Variants in TMEM14A observed in about 807,000 individuals in gnomAD.
The protein encoded by TMEM14A is transmembrane protein 14A.
TMEM14A carries 8 observed loss-of-function variants against 11.6 expected under a neutral mutation model. The observed-to-expected ratio is 0.69, with a 90% CI of 0.40 to 1.24. TMEM14A has a LOEUF of 1.24. TMEM14A is among the 50% of genes most tolerant of loss of function. The pLI is 0.01. For missense variants in TMEM14A, 108 were observed against 121.9 expected (o/e 0.89, Z 0.54); for synonymous variants, 34 against 45.5 (o/e 0.75, Z 1.02).
At chr6:52,678,310 AGTGTGTGTATGTGTGTGTTTGT>A (rs754099127) in intron 2 of TMEM14A, among the ~76,000 whole-genome samples, 12,286 of 140,580 alleles carry the variant, frequency 0.087, 549 homozygotes, top group South Asian at 0.2. Context: ...AGATATAGAG[AGTGTGTGTATGTGTGTGTTTGT>A]GTGTGTGTGT....
chr6:52,679,725 A>G (rs566236009), intron 2 of TMEM14A, among the ~76,000 whole-genome samples: 1 of 152,196 alleles, frequency 6.6e-6, no homozygotes, highest in East Asian at 1.9e-4. Flanking sequence ...CACCTTCCTC[A>G]GGCAAGATGA....
At chr6:52,680,697 A>ATATATATGTGTG (rs1554137479) in intron 2 of TMEM14A, among the ~76,000 whole-genome samples, 1 of 92,238 alleles carries the variant, frequency 1.1e-5, no homozygotes, top group African/African-American at 3.7e-5. Context: ...ATATGTATAT[A>ATATATATGTGTG]TATATATACA....
chr6:52,684,344 C>T (rs952502861), intron 4 of TMEM14A, among the ~76,000 whole-genome samples, 179 bp downstream of exon 4: 1 of 152,178 alleles, frequency 6.6e-6, no homozygotes, highest in African/African-American at 2.4e-5. Context: ...TACCCATGAA[C>T]ATTCTTATTG....
At chr6:52,684,920 T>C (rs1769464953) in intron 4 of TMEM14A, among the ~76,000 whole-genome samples, 1 of 152,198 alleles carries the variant, frequency 6.6e-6, no homozygotes, top group African/African-American at 2.4e-5. Flanking sequence ...AGGAGATGTT[T>C]GAAAAAATGT....
At chr6:52,678,931 G>A (rs1422444201) in intron 2 of TMEM14A, among the ~76,000 whole-genome samples, 2 of 152,164 alleles carry the variant, frequency 1.3e-5, no homozygotes, top group Non-Finnish European at 2.9e-5. Context: ...GAATGTGTGT[G>A]TAAAGTGAGT....
In TMEM14A at chr6:52,680,583, ATTTATATATT is replaced by A. The variant is rs1301229219; in HGVS notation, c.71-1228_71-1219del. ...ACTGTAACATTCTAAGCCACTATATATTTATATATTTATATATATATATATATATGTATAT... is the reference window on the plus strand; with the variant it reads ...ACTGTAACATTCTAAGCCACTATATATATATATATATATATATATGTATAT... On this transcript the variant is annotated intron_variant, in intron 2 of 4. Transcript: ENST00000211314. Among the ~76,000 whole-genome samples the A allele has an allele frequency of 7.0e-4, 43 of 61,390 alleles. 1 individual carries two copies. Among genetic ancestry groups the A allele is most frequent in the Non-Finnish European group, 1.5e-3 (35 of 24,000 alleles). The allele number at this position is 61,390 out of a possible 152,430, so 40.3% of individuals were successfully genotyped here.
intron 2 of TMEM14A, among the ~76,000 whole-genome samples, chr6:52,680,609 A>G (rs866759366): frequency 1.9e-5 from 2 of 103,854 alleles, no homozygotes; most frequent in East Asian, 2.9e-4. Context: ...ATATATATAT[A>G]TATGTATATA....
chr6:52,671,123 G>T lies in TMEM14A; in HGVS notation c.-139G>T, dbSNP rs368485299. On this transcript the variant is annotated 5_prime_UTR_variant, in exon 1 of 5. Transcript: ENST00000211314. ...GAGCGGCCTTTGCTCAGCGCGAGACGGCTGGGCGCCGAGTGGGACAGCGCT... is the reference window on the plus strand; with the variant it reads ...GAGCGGCCTTTGCTCAGCGCGAGACTGCTGGGCGCCGAGTGGGACAGCGCT... 6.6e-6 allele frequency: 1 copy of T among 152,358 alleles called. No individual in the cohort carries two copies. Among genetic ancestry groups the T allele is most frequent in the Non-Finnish European group, 1.5e-5 (1 of 68,130 alleles). The allele number at this position is 152,358 out of a possible 1,614,324, so 9.4% of individuals were successfully genotyped here. A position where few individuals can be genotyped will look rare whatever the true frequency, so the allele number is the denominator to read the frequency against.
At position 52,680,583 on chromosome 6, in the gene TMEM14A, ATT is replaced by A. The variant is rs780657724; in HGVS notation, c.71-1228_71-1227del. On this transcript the variant is annotated intron_variant, in intron 2 of 4. Transcript: ENST00000211314. ...ACTGTAACATTCTAAGCCACTATAT[ATT>A]TATATATTTATATATATATATATAT... is the stretch of plus-strand genomic sequence containing the variant. 5.7e-3 allele frequency among the ~76,000 whole-genome samples: 348 copies of A among 61,272 alleles called. 1 individual carries two copies. Among genetic ancestry groups the A allele is most frequent in the South Asian group, 0.015 (14 of 912 alleles). 40.2% of individuals were successfully genotyped at this position (61,272 alleles called of 152,430 possible). A position where few individuals can be genotyped will look rare whatever the true frequency, so the allele number is the denominator to read the frequency against.
At chr6:52,680,679 A>ATACATATATG (rs1561875089) in intron 2 of TMEM14A, among the ~76,000 whole-genome samples, 1 of 80,250 alleles carries the variant, frequency 1.2e-5, no homozygotes, top group African/African-American at 4.3e-5. Context: ...GTATATATAT[A>ATACATATATG]TATACATATA....
At chr6:52,676,898 C>A (rs1769266630) in intron 1 of TMEM14A, among the ~76,000 whole-genome samples, 189 bp from the exon 2 acceptor site, 1 of 152,168 alleles carries the variant, frequency 6.6e-6, no homozygotes, top group African/African-American at 2.4e-5. Flanking sequence ...TGTTGCTAAA[C>A]CATTAGCAGC....
rs1277430742 is a variant in TMEM14A, at chr6:52,686,274, CA to C, written c.*226del. The stretch of plus-strand genomic sequence containing the variant: ...TTTTCATTAAAAGTGTCTAATGAAT[CA>C]TGATATACTCTTCCATTTGTTGTGT... On this transcript the variant is annotated 3_prime_UTR_variant, in exon 5 of 5. Coordinates refer to ENST00000211314, the MANE Select transcript of TMEM14A (RefSeq NM_014051.4). 2 of 433,428 alleles carry C rather than the reference CA, an allele frequency of 4.6e-6. No homozygotes were observed. The highest frequency in any genetic ancestry group is 8.1e-6 in the Non-Finnish European group (2 of 246,118). 26.8% of individuals were successfully genotyped at this position (433,428 alleles called of 1,614,324 possible).
rs1447938222 is a variant in TMEM14A, at chr6:52,677,171, A to C, written c.69A>C (p.Arg23Ser). The C allele has an allele frequency of 3.7e-6, 6 of 1,614,026 alleles. No homozygotes were observed. The highest frequency in any genetic ancestry group is 5.1e-6 in the Non-Finnish European group (6 of 1,180,010). ...GAAGCATTTTTGGATATAAGCGGAG[A>C]GGTAAGCCTAACCCAAATTTTCATG... ...TFGSIFGYKRRGGVPSLIAGL... is the reference protein window; with the variant it reads ...TFGSIFGYKRSGGVPSLIAGL... Residue 23 changes from arginine (R) to serine (S), a missense_variant and splice_region_variant, in exon 2 of 5, where the codon AGA becomes AGC. Physicochemically the swap from Arg to Ser is moderately radical, Grantham distance 110. Coordinates refer to ENST00000211314, the MANE Select transcript of TMEM14A (RefSeq NM_014051.4).
intron 2 of TMEM14A, among the ~76,000 whole-genome samples, chr6:52,680,706 C>CATATACGTATATATATATATATATAT (rs1397954310): frequency 4.1e-5 from 1 of 24,454 alleles, no homozygotes; most frequent in Non-Finnish European, 1.2e-4. Context: ...TATATATATA[C>CATATACGTATATATATATATATATAT]ACATATATAT....
rs1446406460 is a variant in TMEM14A at position 52,684,226 on chromosome 6, T to G, written c.260+61T>G. The G allele has an allele frequency of 5.5e-6, 8 of 1,457,896 alleles. No individual in the cohort carries two copies. The Admixed American group carries it at 1.5e-4, about 27-fold the overall frequency. 90.3% of individuals were successfully genotyped at this position (1,457,896 alleles called of 1,614,324 possible). ...CTGTTGTTTTGAAGTGCTGAATTTT[T>G]GGGAAACATCAATTTTAATTTGAAA... On this transcript the variant is annotated intron_variant, in intron 4 of 4. Coordinates refer to ENST00000211314, the MANE Select transcript of TMEM14A (RefSeq NM_014051.4).
chr6:52,680,691 GTA>G (rs1554137475), intron 2 of TMEM14A, among the ~76,000 whole-genome samples: 4 of 35,318 alleles, frequency 1.1e-4, no homozygotes, highest in South Asian at 1.2e-3. Context: ...ATACATATAT[GTA>G]TATATATATA....
intron 2 of TMEM14A, among the ~76,000 whole-genome samples, chr6:52,679,676 A>G (rs1769328605): frequency 6.6e-6 from 1 of 152,126 alleles, no homozygotes; most frequent in African/African-American, 2.4e-5. Flanking sequence ...GCTTTCTTCC[A>G]CCAGCGTGGT....
At position 52,681,920 on chromosome 6, in the gene TMEM14A, T is replaced by G; in HGVS notation, c.172+6T>G. 6.2e-7 allele frequency: 1 copy of G among 1,611,988 alleles called. No homozygotes were observed. Among genetic ancestry groups the G allele is most frequent in the Non-Finnish European group, 8.5e-7 (1 of 1,178,216 alleles). Reference sequence around the variant, plus strand: ...AGATGTAAAAGTGTCACTGTGTAAGTAAGGCATTTTTCCTGGTTACAGAGA... The same window carrying G: ...AGATGTAAAAGTGTCACTGTGTAAGGAAGGCATTTTTCCTGGTTACAGAGA... On this transcript the variant is annotated splice_donor_region_variant and intron_variant, in intron 3 of 4. Coordinates refer to ENST00000211314, the MANE Select transcript of TMEM14A (RefSeq NM_014051.4).
intron 2 of TMEM14A, among the ~76,000 whole-genome samples, chr6:52,680,352 A>G (rs903974309): frequency 1.3e-5 from 2 of 151,740 alleles, no homozygotes; most frequent in Non-Finnish European, 2.9e-5. Flanking sequence ...CATGACGAAT[A>G]GAGTTTGGTA....
Sources: gnomAD v4.1 joint callset for allele counts (sites outside exome capture counted in the v4.1 genomes callset) on GRCh38, gnomAD v4.1.1 for gene constraint, MANE v1.5 for transcripts, NCBI Gene and HGNC (gene_info 2026-07-23, HGNC 2026-07-21) for gene names.